Variants in WWOX observed in about 807,000 individuals in gnomAD.
WWOX encodes the protein WW domain-containing oxidoreductase.
WWOX carries 69 observed loss-of-function variants against 46.2 expected under a neutral mutation model. That is an observed-to-expected ratio of 1.49 (90% CI 1.23 to 1.82). The LOEUF is 1.82. Ranked by LOEUF, WWOX falls within the 40% of genes most tolerant of loss-of-function variation. WWOX has a pLI of 0.00. For synonymous variants in WWOX, 359 were observed against 202.6 expected, an observed-to-expected ratio of 1.77 and a Z score of -6.56; for missense variants, 919 against 542.6, an observed-to-expected ratio of 1.69 and a Z score of -6.89.
At chr16:78,962,064 G>T (rs972218715) in intron 8 of WWOX, among the ~76,000 whole-genome samples, 4 of 152,048 alleles carry the variant, frequency 2.6e-5, no homozygotes, top group African/African-American at 9.7e-5. Context: ...ATGATCCAGT[G>T]GGTTGGGCCA....
intron 8 of WWOX, among the ~76,000 whole-genome samples, chr16:78,673,746 C>T (rs750814910): frequency 6.6e-6 from 1 of 152,232 alleles, no homozygotes; most frequent in African/African-American, 2.4e-5. Context: ...CTGTTCTCCA[C>T]TTCCTTAATT....
At chr16:79,074,008 A>G (rs1386695686) in intron 8 of WWOX, among the ~76,000 whole-genome samples, 2 of 151,544 alleles carry the variant, frequency 1.3e-5, no homozygotes, top group African/African-American at 2.4e-5. Flanking sequence ...GAGGAAAAAA[A>G]AAGCCTTTCA....
chr16:79,147,728 A>C (rs1172914307), intron 8 of WWOX, among the ~76,000 whole-genome samples: 1 of 152,164 alleles, frequency 6.6e-6, no homozygotes, highest in Admixed American at 6.5e-5. Flanking sequence ...GTTTCACTAT[A>C]TCTTCACCAG....
chr16:78,998,002 G>C (rs779433385), intron 8 of WWOX, among the ~76,000 whole-genome samples: 2 of 151,894 alleles, frequency 1.3e-5, no homozygotes, highest in Non-Finnish European at 2.9e-5. Context: ...TCAGCCTCCC[G>C]AGTAGCTGGG....
intron 8 of WWOX, among the ~76,000 whole-genome samples, chr16:78,593,093 A>G (rs547139225): frequency 6.6e-6 from 1 of 152,144 alleles, no homozygotes; most frequent in African/African-American, 2.4e-5. Context: ...AGAAATGACA[A>G]CGAATATTTG....
intron 8 of WWOX, chr16:78,898,206 A>T (rs2044745868): frequency 6.6e-6 from 1 of 152,058 alleles, no homozygotes; most frequent in African/African-American, 2.4e-5. Context: ...TGTTCTAAGA[A>T]CCTTTACCAA....
At chr16:78,319,972 C>G (rs1037145293) in intron 5 of WWOX, among the ~76,000 whole-genome samples, 5 of 152,308 alleles carry the variant, frequency 3.3e-5, no homozygotes, top group African/African-American at 9.6e-5. Context: ...AATCAGAATT[C>G]CCTCCTAATG....
chr16:79,033,403 T>C (rs1468883934), intron 8 of WWOX, among the ~76,000 whole-genome samples: 1 of 151,214 alleles, frequency 6.6e-6, no homozygotes, highest in Non-Finnish European at 1.5e-5. Flanking sequence ...TAATTATTTT[T>C]TAAGGCTGCA....
At chr16:78,757,063 T>C (rs1237657932) in intron 8 of WWOX, 1 of 702,242 alleles carries the variant, frequency 1.4e-6, no homozygotes, top group South Asian at 1.5e-5. Context: ...AGTTAAGCCT[T>C]GAGGTGATTG....
chr16:78,328,560 A>G (rs557914096), intron 5 of WWOX, among the ~76,000 whole-genome samples: 11 of 152,330 alleles, frequency 7.2e-5, no homozygotes, highest in Admixed American at 5.2e-4. Flanking sequence ...TGCAACAAGT[A>G]TTTATTGTAG....
intron 5 of WWOX, among the ~76,000 whole-genome samples, chr16:78,358,571 T>G (rs1260164819): frequency 1.3e-5 from 2 of 152,152 alleles, no homozygotes; most frequent in Non-Finnish European, 2.9e-5. Flanking sequence ...GGACTGAGAA[T>G]CGCTTGAACC....
intron 8 of WWOX, among the ~76,000 whole-genome samples, chr16:79,147,112 T>C (rs1344750290): frequency 6.6e-6 from 1 of 152,232 alleles, no homozygotes; most frequent in Non-Finnish European, 1.5e-5. Context: ...TGTATATGTG[T>C]GTCTGTGTCT....
chr16:78,833,640 A>G (rs1047992696), intron 8 of WWOX, among the ~76,000 whole-genome samples: 3 of 152,174 alleles, frequency 2.0e-5, no homozygotes, highest in Non-Finnish European at 2.9e-5. Context: ...CTTGTGCATT[A>G]CTGATGTGTT....
intron 8 of WWOX, among the ~76,000 whole-genome samples, chr16:78,438,360 C>A (rs537262233): frequency 6.6e-6 from 1 of 152,122 alleles, no homozygotes; most frequent in Non-Finnish European, 1.5e-5. Flanking sequence ...CACGGTAATG[C>A]CCCTGGCATC....
Position 78,932,610 on chromosome 16 carries a change from G to A in WWOX, c.1057-278998G>A, listed in dbSNP as rs1041357085. ...TTCAAGAGGTGCCGACCAAGCGCTG[G>A]AATTGCTGACCTCCCTGAAAGAGAA... On this transcript the variant is annotated intron_variant, in intron 8 of 8. Transcript: ENST00000566780. Among the ~76,000 whole-genome samples the A allele has an allele frequency of 1.1e-4, 17 of 152,336 alleles. 1 individual carries two copies. Among genetic ancestry groups the A allele is most frequent in the African/African-American group, 2.4e-4 (10 of 41,584 alleles).
intron 8 of WWOX, among the ~76,000 whole-genome samples, chr16:78,468,900 G>A (rs768929775): frequency 1.6e-4 from 25 of 152,178 alleles, no homozygotes; most frequent in Non-Finnish European, 2.1e-4. Context: ...GTTTCCCTTT[G>A]TAACCTGTAA....
intron 8 of WWOX, among the ~76,000 whole-genome samples, chr16:78,528,371 T>C (rs2043534311): frequency 6.6e-6 from 1 of 151,526 alleles, no homozygotes; most frequent in South Asian, 2.1e-4. Context: ...TATGAGTAAT[T>C]AGCAAAGAAT....
chr16:78,137,102 G>T (rs1046103667), intron 4 of WWOX, among the ~76,000 whole-genome samples: 4 of 152,172 alleles, frequency 2.6e-5, no homozygotes, highest in Non-Finnish European at 5.9e-5. Context: ...GGCAGAGGGG[G>T]TCAGGGATGT....
At chr16:78,869,135 A>G (rs550801331) in intron 8 of WWOX, among the ~76,000 whole-genome samples, 2 of 152,342 alleles carry the variant, frequency 1.3e-5, no homozygotes, top group East Asian at 3.9e-4. Context: ...ATACACTAGT[A>G]TATGTAATTA....
Sources: allele counts gnomAD v4.1 joint callset (sites outside exome capture counted in the v4.1 genomes callset), GRCh38; gene constraint gnomAD v4.1.1; transcripts MANE v1.5; gene names NCBI Gene and HGNC (gene_info 2026-07-23, HGNC 2026-07-21).